The following ANO1 variants were observed in gnomAD, a reference collection of about 807,000 sequenced individuals.
ANO1 encodes anoctamin 1.
A neutral mutation model predicts 124.0 loss-of-function variants in ANO1; 59 were observed. The observed-to-expected ratio is 0.48, with a 90% CI of 0.39 to 0.59. The LOEUF (loss-of-function observed/expected upper bound fraction) is 0.59, where lower values mean the gene tolerates loss of function less well. Among genes scored for constraint, ANO1 ranks in the 20% least tolerant of loss-of-function variants. The pLI is 0.00. For synonymous variants in ANO1, 529 were observed against 532.0 expected (o/e 0.99, Z 0.08); for missense variants, 1,059 against 1,328.0 (o/e 0.80, Z 3.15).
rs759308788 is a variant in ANO1 at position 70,105,746 on chromosome 11, T to G, written c.705T>G (p.Ser235=). The change falls in exon 5 of 26, where the codon TCT becomes TCG. Residue 235 remains serine (S), a synonymous_variant. Coordinates refer to ENST00000355303, the MANE Select transcript of ANO1 (RefSeq NM_018043.7). ...SREKQHLFDL[S]DKDSFFDSKT... The stretch of plus-strand genomic sequence containing the variant: ...GATATTTCCACAGATTTGACTTGTC[T>G]GATAAGGATTCCTTTTTCGACAGCA... 12 of 1,613,568 alleles carry G rather than the reference T, an allele frequency of 7.4e-6. No homozygotes were observed. In the African/African-American group the frequency reaches 1.6e-4, roughly 22 times the overall value.
Position 70,115,539 on chromosome 11 carries a change from G to A in ANO1, c.856-919G>A, listed in dbSNP as rs191278750. Among the ~76,000 whole-genome samples, 183 of 152,228 alleles carry A rather than the reference G, an allele frequency of 1.2e-3. 1 individual carries two copies. The highest frequency in any genetic ancestry group is 3.3e-3 in the South Asian group (16 of 4,816). On this transcript the variant is annotated intron_variant, in intron 7 of 25. Transcript: ENST00000355303. ...GAGGCAGGAGAATCACTTGAACCTG[G>A]AAGCGAAGGTTGCAGTGAGCCGAGA...
At chr11:70,036,508 C>G (rs1247845090) in intron 1 of ANO1, among the ~76,000 whole-genome samples, 1 of 152,164 alleles carries the variant, frequency 6.6e-6, no homozygotes, top group African/African-American at 2.4e-5. Flanking sequence ...CTCGGTGACT[C>G]TTCCTCCTTG....
In ANO1 at chr11:70,187,899, G is replaced by A. The variant is rs1156340776; in HGVS notation, c.2856G>A (p.Glu952=). Residue 952 remains glutamate (E), a synonymous_variant, in exon 26 of 26, where the codon GAG becomes GAA. Coordinates refer to ENST00000355303, the MANE Select transcript of ANO1 (RefSeq NM_018043.7). Reference sequence around the variant, plus strand: ...TGCTGGAAACCTGGATGGAGAAGGAGCGGCAGAAGGACGAGCCGCCGTGCA... The same window carrying A: ...TGCTGGAAACCTGGATGGAGAAGGAACGGCAGAAGGACGAGCCGCCGTGCA... ...QQLLETWMEK[E]RQKDEPPCNH... is the part of the protein sequence containing the mutation. The A allele has an allele frequency of 1.3e-6, 2 of 1,598,308 alleles. No individual in the cohort carries two copies. Among genetic ancestry groups the A allele is most frequent in the Non-Finnish European group, 1.7e-6 (2 of 1,173,332 alleles).
intron 1 of ANO1, among the ~76,000 whole-genome samples, chr11:70,032,535 A>AG (rs140080009): frequency 0.26 from 35,106 of 137,590 alleles, 4,444 homozygotes; most frequent in South Asian, 0.3. Context: ...GAGGCGGGAG[A>AG]GGGGGGGGGT....
intron 1 of ANO1, among the ~76,000 whole-genome samples, chr11:70,026,075 GTGA>G (rs1294070617): frequency 1.8e-3 from 256 of 142,822 alleles, no homozygotes; most frequent in African/African-American, 5.6e-3. Flanking sequence ...TGTGGTGGTG[GTGA>G]TGATGATGAT....
At chr11:70,076,025 T>C (rs1292558748), upstream of ANO1, among the ~76,000 whole-genome samples, 1 of 152,240 alleles carries the variant, frequency 6.6e-6, no homozygotes, top group East Asian at 1.9e-4. Context: ...TGGTCCTCTC[T>C]GGCCCTTGCT....
At chr11:70,132,673 C>T (rs2046807498) in intron 11 of ANO1, among the ~76,000 whole-genome samples, 1 of 152,332 alleles carries the variant, frequency 6.6e-6, no homozygotes, top group South Asian at 2.1e-4. Context: ...CAGTCCTACC[C>T]GACTCCCAAC....
chr11:70,126,338 G>A, intron 10 of ANO1, 143 bp downstream of exon 10: 1 of 1,114,112 alleles, frequency 9.0e-7, no homozygotes, highest in East Asian at 2.8e-5. Context: ...CGAGCCGTCA[G>A]GAGGAAAGGA....
intron 7 of ANO1, among the ~76,000 whole-genome samples, chr11:70,114,626 C>T (rs191091889): frequency 2.3e-4 from 35 of 152,298 alleles, no homozygotes; most frequent in Admixed American, 1.3e-3. Flanking sequence ...CGGTTGGGCA[C>T]GGTGGCTCAC....
intron 1 of ANO1, among the ~76,000 whole-genome samples, chr11:70,080,394 G>T (rs1565179019): frequency 6.6e-6 from 1 of 152,160 alleles, no homozygotes; most frequent in Non-Finnish European, 1.5e-5. Context: ...TAATGGGTAG[G>T]GACTGAGTCT....
At chr11:70,096,923 C>T (rs1418737836) in intron 2 of ANO1, among the ~76,000 whole-genome samples, 1 of 152,070 alleles carries the variant, frequency 6.6e-6, no homozygotes, top group Admixed American at 6.5e-5. Flanking sequence ...GAAACCCCAG[C>T]ATTGTCCTGT....
Position 70,036,640 on chromosome 11 carries a change from C to T in ANO1, c.59-41902C>T, listed in dbSNP as rs577514780. 1.2e-3 allele frequency among the ~76,000 whole-genome samples: 177 copies of T among 152,294 alleles called. 1 individual carries two copies. The highest frequency in any genetic ancestry group is 3.7e-3 in the African/African-American group (155 of 41,548). On this transcript the variant is annotated intron_variant, in intron 1 of 27. Coordinates refer to the ANO1 transcript ENST00000531349. The stretch of plus-strand genomic sequence containing the variant: ...TTTGTTTTTTTAAGACAGAGTCTCG[C>T]TTTGTCGCCCAGGCTGGAGTGCAGT...
intron 11 of ANO1, among the ~76,000 whole-genome samples, chr11:70,147,039 A>G (rs2047404778): frequency 6.6e-6 from 1 of 152,230 alleles, no homozygotes; most frequent in African/African-American, 2.4e-5. Flanking sequence ...GCATCCTTCA[A>G]TCCAATCAAG....
At chr11:70,088,148 G>A in intron 2 of ANO1, 64 bp downstream of exon 2, 1 of 300,768 alleles carries the variant, frequency 3.3e-6, no homozygotes, top group Non-Finnish European at 6.5e-6. Context: ...GGGCAGTAGG[G>A]GGGCAGCTGC....
chr11:70,133,327 G>A (rs1438128809), intron 11 of ANO1, among the ~76,000 whole-genome samples: 1 of 152,230 alleles, frequency 6.6e-6, no homozygotes, highest in Non-Finnish European at 1.5e-5. Flanking sequence ...GCATTGGCTG[G>A]CATTGCCAAA....
intron 7 of ANO1, among the ~76,000 whole-genome samples, chr11:70,115,611 TCAAAAA>T (rs1590772993): frequency 2.0e-5 from 3 of 151,726 alleles, no homozygotes; most frequent in East Asian, 3.9e-4. Flanking sequence ...AAACTCCATC[TCAAAAA>T]CAAAAACAAA....
At chr11:70,001,658 AG>A (rs1237119352) in intron 1 of ANO1, among the ~76,000 whole-genome samples, 3 of 152,222 alleles carry the variant, frequency 2.0e-5, no homozygotes, top group Non-Finnish European at 1.5e-5. Context: ...GAGTGCCCTG[AG>A]GGAAAGGAAG....
At chr11:70,185,564 C>T (rs777086502) in intron 24 of ANO1, 26 bp from the exon 25 acceptor site, 48 of 1,606,098 alleles carry the variant, frequency 3.0e-5, no homozygotes, top group Non-Finnish European at 4.0e-5. Flanking sequence ...AAGTCCCACC[C>T]TCGACTCCAC....
At chr11:70,060,404 G>T (rs1555007595) in intron 1 of ANO1, among the ~76,000 whole-genome samples, 1 of 152,148 alleles carries the variant, frequency 6.6e-6, no homozygotes, top group Admixed American at 6.5e-5. Context: ...GTCTGGGTTT[G>T]GAATTGGAAG....
Sources: allele counts gnomAD v4.1 joint callset (sites outside exome capture counted in the v4.1 genomes callset), GRCh38; gene constraint gnomAD v4.1.1; transcripts MANE v1.5; gene names NCBI Gene and HGNC (gene_info 2026-07-23, HGNC 2026-07-21).